Variants in CSF2RA observed in about 807,000 individuals in gnomAD.
CSF2RA encodes the protein granulocyte-macrophage colony-stimulating factor receptor subunit alpha.
CSF2RA carries 42 observed loss-of-function variants against 51.6 expected under a neutral mutation model. The observed-to-expected ratio is 0.81, with a 90% CI of 0.64 to 1.05. CSF2RA has a LOEUF of 1.05. Among genes scored for constraint, CSF2RA ranks in the 50% least tolerant of loss-of-function variants. The pLI, the probability that CSF2RA is intolerant of heterozygous loss-of-function variation, is 0.00. For missense variants in CSF2RA, 530 were observed against 501.1 expected, an observed-to-expected ratio of 1.06 and a Z score of -0.55; for synonymous variants, 222 against 193.0, an observed-to-expected ratio of 1.15 and a Z score of -1.24.
At chrX:1,318,352 G>A in the CSF2RA span, among the ~76,000 whole-genome samples, 123 of 151,616 alleles carry the variant, frequency 8.1e-4, no homozygotes, top group Non-Finnish European at 1.3e-3. Flanking sequence ...TAATAGAGAC[G>A]GGGTTTCACC....
downstream of CSF2RA, among the ~76,000 whole-genome samples, chrX:1,314,005 A>C (rs2084298327): frequency 2.0e-5 from 3 of 151,672 alleles, no homozygotes; most frequent in Admixed American, 6.6e-5. Context: ...TAAATGAATA[A>C]ATAAAATAAA....
chrX:1,304,163 C>CCTG, intron 11 of CSF2RA, 144 bp downstream of exon 11: 1 of 713,164 alleles, frequency 1.4e-6, no homozygotes. Flanking sequence ...AATCCCAGCA[C>CCTG]TCTGGGAGGC....
intron 1 of CSF2RA, among the ~76,000 whole-genome samples, chrX:1,273,114 C>T (rs1372178851): frequency 3.3e-5 from 5 of 149,400 alleles, no homozygotes; most frequent in East Asian, 4.1e-4. Flanking sequence ...GCCACCACAC[C>T]GGGCCTCTGA....
intron 10 of CSF2RA, 61 bp downstream of exon 10, chrX:1,300,687 C>T: frequency 1.9e-6 from 3 of 1,611,132 alleles, no homozygotes; most frequent in South Asian, 1.1e-5. Flanking sequence ...GCAGCAGGCA[C>T]AGAGGTCAGG....
At chrX:1,320,738 C>T in the CSF2RA span, among the ~76,000 whole-genome samples, 3 of 149,548 alleles carry the variant, frequency 2.0e-5, no homozygotes, top group Non-Finnish European at 4.4e-5. Context: ...GTCTCGATCC[C>T]CTGACCTTGT....
chrX:1,311,645 C>A (rs759801331), downstream of CSF2RA, among the ~76,000 whole-genome samples: 1 of 151,978 alleles, frequency 6.6e-6, no homozygotes, highest in African/African-American at 2.4e-5. Context: ...AGGGTTTCAC[C>A]TTGTTGGTCA....
chrX:1,284,768 G>A (rs1184668031), intron 3 of CSF2RA, among the ~76,000 whole-genome samples: 2 of 144,352 alleles, frequency 1.4e-5, no homozygotes, highest in African/African-American at 5.3e-5. Flanking sequence ...GGGTTCAACC[G>A]ATTCTCCTGC....
chrX:1,321,753 C>A, the CSF2RA span, among the ~76,000 whole-genome samples: 1 of 152,164 alleles, frequency 6.6e-6, no homozygotes, highest in Non-Finnish European at 1.5e-5. Flanking sequence ...CCCGCTTCTT[C>A]AGCGTAGCTG....
downstream of CSF2RA, among the ~76,000 whole-genome samples, chrX:1,315,183 G>A: frequency 6.6e-6 from 1 of 152,188 alleles, no homozygotes; most frequent in African/African-American, 2.4e-5. Context: ...GAAAAGAGAG[G>A]GAGGGGAGAC....
chrX:1,290,039 G>GTGT (rs2091236605), intron 6 of CSF2RA, among the ~76,000 whole-genome samples: 2 of 107,280 alleles, frequency 1.9e-5, no homozygotes, highest in African/African-American at 3.6e-5. Flanking sequence ...GTTTTGTTTT[G>GTGT]TTTTGTGTTT....
At chrX:1,317,673 C>T in the CSF2RA span, among the ~76,000 whole-genome samples, 1 of 149,996 alleles carries the variant, frequency 6.7e-6, no homozygotes, top group Non-Finnish European at 1.5e-5. Flanking sequence ...ATTTCTGTAA[C>T]GTGCACGCAC....
chrX:1,317,334 C>T, the CSF2RA span, among the ~76,000 whole-genome samples: 1 of 128,192 alleles, frequency 7.8e-6, no homozygotes, highest in Non-Finnish European at 1.6e-5. Context: ...TCACCACAAC[C>T]TCCGCCTCCC....
chrX:1,318,979 ATTTATTTTAT>A, the CSF2RA span, among the ~76,000 whole-genome samples: 1 of 149,954 alleles, frequency 6.7e-6, no homozygotes, highest in African/African-American at 2.4e-5. Flanking sequence ...ATGATCCTTT[ATTTATTTTAT>A]TTTATTTTAT....
intron 1 of CSF2RA, among the ~76,000 whole-genome samples, chrX:1,272,389 A>G (rs1377465250): frequency 6.6e-6 from 1 of 151,650 alleles, no homozygotes; most frequent in East Asian, 1.9e-4. Context: ...TACAAAAAAA[A>G]AAAGGTTATA....
the CSF2RA span, among the ~76,000 whole-genome samples, chrX:1,322,898 G>C: frequency 9.9e-5 from 15 of 151,906 alleles, no homozygotes; most frequent in East Asian, 2.9e-3. Flanking sequence ...GGGAGGCCAA[G>C]ACAGGCAGAT....
chrX:1,289,032 G>T (rs1365892413), intron 6 of CSF2RA, 144 bp downstream of exon 6: 12 of 1,118,578 alleles, frequency 1.1e-5, no homozygotes, highest in Non-Finnish European at 1.6e-5. Context: ...TGCCACCTCG[G>T]CTCACTGCAA....
At chrX:1,297,049 T>G (rs1269316339) in intron 9 of CSF2RA, among the ~76,000 whole-genome samples, 2 of 59,708 alleles carry the variant, frequency 3.3e-5, no homozygotes, top group East Asian at 9.9e-4. Flanking sequence ...TACAGTCCCC[T>G]ACTCACGACC....
At chrX:1,323,645 A>G in the CSF2RA span, among the ~76,000 whole-genome samples, 1 of 152,068 alleles carries the variant, frequency 6.6e-6, no homozygotes, top group Non-Finnish European at 1.5e-5. Context: ...GCACTTTGGG[A>G]GGCTGAGGCA....
the CSF2RA span, among the ~76,000 whole-genome samples, chrX:1,315,462 G>A: frequency 6.6e-6 from 1 of 152,082 alleles, no homozygotes; most frequent in Non-Finnish European, 1.5e-5. Context: ...GGAGTGCAGT[G>A]GCGCGATCTC....
Sources: allele counts gnomAD v4.1 joint callset (sites outside exome capture counted in the v4.1 genomes callset), GRCh38; gene constraint gnomAD v4.1.1; transcripts MANE v1.5; gene names NCBI Gene and HGNC (gene_info 2026-07-23, HGNC 2026-07-21).